Variants in AGBL4 observed in about 807,000 individuals in gnomAD.
AGBL4 encodes the protein AGBL carboxypeptidase 4.
AGBL4 carries 58 observed loss-of-function variants against 66.4 expected under a neutral mutation model. That is an observed-to-expected ratio of 0.87 (90% CI 0.71 to 1.09). The LOEUF is 1.09. Among genes scored for constraint, AGBL4 ranks in the 50% least tolerant of loss-of-function variants. AGBL4 has a pLI of 0.00. For synonymous variants in AGBL4, 234 were observed against 222.9 expected, an observed-to-expected ratio of 1.05 and a Z score of -0.44; for missense variants, 579 against 631.0, an observed-to-expected ratio of 0.92 and a Z score of 0.88.
intron 6 of AGBL4, among the ~76,000 whole-genome samples, chr1:48,725,086 G>A (rs528343475): frequency 5.3e-4 from 80 of 152,314 alleles, no homozygotes; most frequent in Non-Finnish European, 9.4e-4. Context: ...ACAGGTGTTA[G>A]GGCAGAGTCT....
At chr1:48,740,736 C>T (rs960294135) in intron 6 of AGBL4, among the ~76,000 whole-genome samples, 1 of 152,108 alleles carries the variant, frequency 6.6e-6, no homozygotes, top group Admixed American at 6.5e-5. Flanking sequence ...AGATTAAGGC[C>T]TCTGATCGTG....
At chr1:48,670,873 C>T (rs370498594) in intron 6 of AGBL4, among the ~76,000 whole-genome samples, 2 of 152,212 alleles carry the variant, frequency 1.3e-5, no homozygotes, top group African/African-American at 4.8e-5. Flanking sequence ...CATACAGGAG[C>T]TTTACTGAGA....
chr1:49,638,963 A>C (rs2124395509), intron 3 of AGBL4, among the ~76,000 whole-genome samples: 1 of 152,256 alleles, frequency 6.6e-6, no homozygotes, highest in East Asian at 1.9e-4. Flanking sequence ...CTGGAGTGTA[A>C]GGTCGAGTAA....
chr1:48,576,474 C>A (rs1234710282), intron 11 of AGBL4, among the ~76,000 whole-genome samples: 1 of 152,104 alleles, frequency 6.6e-6, no homozygotes, highest in African/African-American at 2.4e-5. Flanking sequence ...GAAAATATCC[C>A]CAATTATTTT....
chr1:49,874,835 A>G (rs2148120894), intron 1 of AGBL4, among the ~76,000 whole-genome samples: 1 of 152,072 alleles, frequency 6.6e-6, no homozygotes, highest in East Asian at 1.9e-4. Flanking sequence ...TTTTATTACT[A>G]TTATTATACT....
chr1:48,964,915 A>C (rs897599114), intron 5 of AGBL4, among the ~76,000 whole-genome samples: 3 of 152,106 alleles, frequency 2.0e-5, no homozygotes, highest in African/African-American at 4.8e-5. Context: ...ATGAAAAAAA[A>C]TCAAACAGTT....
intron 3 of AGBL4, among the ~76,000 whole-genome samples, chr1:49,285,554 A>G (rs1366688573): frequency 1.3e-5 from 2 of 152,130 alleles, no homozygotes; most frequent in Non-Finnish European, 2.9e-5. Flanking sequence ...GACACAAAAA[A>G]CCCTTCAAAA....
chr1:48,916,192 G>A (rs1359514306), intron 5 of AGBL4, among the ~76,000 whole-genome samples: 1 of 152,180 alleles, frequency 6.6e-6, no homozygotes, highest in African/African-American at 2.4e-5. Context: ...GAATGTCAGA[G>A]AAATAGACGT....
At chr1:49,934,600 C>G (rs1376957377) in intron 1 of AGBL4, among the ~76,000 whole-genome samples, 2 of 152,088 alleles carry the variant, frequency 1.3e-5, no homozygotes, top group African/African-American at 4.8e-5. Context: ...CAAAAATTAT[C>G]TTGAAACAAA....
chr1:48,837,711 C>CTATATATATATA (rs58650623), intron 6 of AGBL4, among the ~76,000 whole-genome samples: 4,284 of 81,702 alleles, frequency 0.052, 229 homozygotes, highest in East Asian at 0.2. Context: ...CACACACACA[C>CTATATATATATA]TATATATATA....
chr1:50,004,850 C>T (rs1368591492), intron 1 of AGBL4, among the ~76,000 whole-genome samples: 2 of 152,056 alleles, frequency 1.3e-5, no homozygotes, highest in African/African-American at 2.4e-5. Flanking sequence ...GTGGTGGCTA[C>T]AGGGAGGGAC....
rs536748874 is a variant in AGBL4 at position 48,783,805 on chromosome 1, C to G, written c.634+83386G>C. 1.8e-3 allele frequency among the ~76,000 whole-genome samples: 272 copies of G among 152,278 alleles called. 1 individual carries two copies. The highest frequency in any genetic ancestry group is 6.4e-3 in the African/African-American group (265 of 41,560). On this transcript the variant is annotated intron_variant, in intron 6 of 13. Transcript: ENST00000371839. The stretch of plus-strand genomic sequence containing the variant: ...TTTTTTAATTCCCAGAGTCTTCTAA[C>G]ATGAGACGAAGTTGAGCACCTCTGA...
chr1:48,936,930 T>C (rs1655529708), intron 5 of AGBL4, among the ~76,000 whole-genome samples: 1 of 152,208 alleles, frequency 6.6e-6, no homozygotes, highest in Non-Finnish European at 1.5e-5. Flanking sequence ...TCTCCCTTAA[T>C]GATAACTTCA....
intron 1 of AGBL4, among the ~76,000 whole-genome samples, chr1:50,013,891 A>G (rs1661735722): frequency 6.6e-6 from 1 of 152,212 alleles, no homozygotes; most frequent in East Asian, 1.9e-4. Context: ...TACTATATGC[A>G]CTACATACAC....
In AGBL4 at chr1:49,740,097, A is replaced by T. The variant is rs181808674; in HGVS notation, c.158-42660T>A. ...GCTAAATGCTCCAATTAAAAGACAC[A>T]GACTGGCAAATTGGATAAAGAGGCA... On this transcript the variant is annotated intron_variant, in intron 2 of 13. Coordinates refer to ENST00000371839, the MANE Select transcript of AGBL4 (RefSeq NM_032785.4). Among the ~76,000 whole-genome samples the T allele has an allele frequency of 5.1e-3, 782 of 152,338 alleles. 11 individuals carry two copies. The highest frequency in any genetic ancestry group is 5.4e-3 in the Non-Finnish European group (367 of 68,036).
intron 6 of AGBL4, among the ~76,000 whole-genome samples, chr1:48,783,157 G>T (rs974026628): frequency 2.0e-5 from 3 of 152,064 alleles, no homozygotes; most frequent in Non-Finnish European, 4.4e-5. Flanking sequence ...GCAAGCTGAG[G>T]GCCACTGTCT....
At chr1:49,481,822 T>C (rs190627940) in intron 3 of AGBL4, among the ~76,000 whole-genome samples, 2 of 151,836 alleles carry the variant, frequency 1.3e-5, no homozygotes, top group African/African-American at 4.8e-5. Flanking sequence ...TTATTGAGAG[T>C]TTTTAACATA....
intron 1 of AGBL4, among the ~76,000 whole-genome samples, chr1:49,933,621 A>G (rs1653600367): frequency 6.6e-6 from 1 of 152,146 alleles, no homozygotes; most frequent in South Asian, 2.1e-4. Flanking sequence ...AATAAAAAAG[A>G]CGCAAATTAT....
At chr1:49,138,418 C>T (rs1646054669) in intron 4 of AGBL4, among the ~76,000 whole-genome samples, 1 of 152,156 alleles carries the variant, frequency 6.6e-6, no homozygotes, top group African/African-American at 2.4e-5. Context: ...TTTTCTCTTT[C>T]CCTCCACTAC....
Sources: allele counts gnomAD v4.1 joint callset (sites outside exome capture counted in the v4.1 genomes callset), GRCh38; gene constraint gnomAD v4.1.1; transcripts MANE v1.5; gene names NCBI Gene and HGNC (gene_info 2026-07-23, HGNC 2026-07-21).